VARS2: variants seen among roughly 807,000 people sequenced by gnomAD.
VARS2 encodes valine--tRNA ligase, mitochondrial.
In VARS2, 105 loss-of-function variants were observed where a neutral mutation model predicts 154.1. The ratio of observed to expected loss-of-function variants is 0.68; its 90% confidence interval spans 0.58 to 0.80. The LOEUF is 0.80. Among genes scored for constraint, VARS2 ranks in the 30% least tolerant of loss-of-function variants. The pLI, the probability that VARS2 is intolerant of heterozygous loss-of-function variation, is 0.00. For synonymous variants in VARS2, 483 were observed against 539.5 expected (o/e 0.90, Z 1.45); for missense variants, 1,157 against 1,361.4 (o/e 0.85, Z 2.36).
rs761841915 is a variant in VARS2 at position 30,926,175 on chromosome 6, G to A, written c.3157G>A (p.Asp1053Asn). The A allele has an allele frequency of 7.4e-6, 12 of 1,613,124 alleles. No individual in the cohort carries two copies. Among genetic ancestry groups the A allele is most frequent in the Non-Finnish European group, 1.0e-5 (12 of 1,180,048 alleles). Residue 1053 changes from aspartate (D) to asparagine (N), a missense_variant, in exon 30 of 30, where the codon GAT becomes AAT. Asp to Asn is a conservative substitution (Grantham distance 23, BLOSUM62 1). Coordinates refer to ENST00000676266, the MANE Select transcript of VARS2 (RefSeq NM_020442.6). The part of the protein sequence containing the change: ...KAASHLRQLM[D>N]EPPAPGSPEL ...AGCCTCTCACCTCCGGCAGCTGATG[G>A]ATGAGCCTCCAGCCCCAGGGAGCCC... is the stretch of plus-strand genomic sequence containing the variant.
chr6:30,921,181 G>A lies in VARS2; in HGVS notation c.1556+40G>A, dbSNP rs772444822. 3.1e-6 allele frequency: 5 copies of A among 1,613,862 alleles called. No individual in the cohort carries two copies. The South Asian group carries it at 5.5e-5, about 18-fold the overall frequency. On this transcript the variant is annotated intron_variant, in intron 16 of 29. Transcript: ENST00000676266. The surrounding 1 kb of genome is among the most constrained non-coding windows in gnomAD (Gnocchi z 4.6). ...AGGGGAGCTCTTGTGGAGATGGGGA[G>A]GGGGGACTGACTGGTTATTCTAAGA...
At position 30,925,699 on chromosome 6, in the gene VARS2, C is replaced by G. The variant is rs1794795318; in HGVS notation, c.2941C>G (p.Gln981Glu). Reference protein sequence around the residue: ...WAQAPLSDTAQVYMELQGLVD... With the variant: ...WAQAPLSDTAEVYMELQGLVD... ...CCAGGCTCCACTCAGTGACACGGCT[C>G]AAGTCTACATGGAGCTGCAGGTGAC... The change falls in exon 28 of 30, where the codon CAA (glutamine) becomes GAA (glutamate). Residue 981 changes from glutamine (Q) to glutamate (E), a missense_variant. By Grantham distance (29) the Gln-to-Glu change is conservative. Coordinates refer to ENST00000676266, the MANE Select transcript of VARS2 (RefSeq NM_020442.6). The G allele has an allele frequency of 1.2e-6, 2 of 1,611,098 alleles. No individual in the cohort carries two copies. The highest frequency in any genetic ancestry group is 8.5e-7 in the Non-Finnish European group (1 of 1,179,692).
In VARS2 at chr6:30,919,599, TA is replaced by T; in HGVS notation, c.1075-155del. 1 of 530,682 alleles carries T rather than the reference TA, an allele frequency of 1.9e-6. No homozygotes were observed. The highest frequency in any genetic ancestry group is 3.3e-6 in the Non-Finnish European group (1 of 304,720). 32.9% of individuals were successfully genotyped at this position (530,682 alleles called of 1,614,324 possible). On this transcript the variant is annotated intron_variant, in intron 11 of 29. Coordinates refer to ENST00000676266, the MANE Select transcript of VARS2 (RefSeq NM_020442.6). This position sits in a 1 kb window ranked among gnomAD's most constrained non-coding sequence, Gnocchi z 4.5. The stretch of plus-strand genomic sequence containing the variant: ...GAATTTGTCTCTAGGCCCAAAAGCC[TA>T]AAATATCTACATTCTGGCCCCTTAA...
intron 25 of VARS2, 111 bp downstream of exon 25, chr6:30,923,616 TAGGAG>T (rs1428237349): frequency 1.4e-5 from 20 of 1,464,738 alleles, no homozygotes; most frequent in African/African-American, 5.6e-5. Flanking sequence ...TCCCCTCAGT[TAGGAG>T]AGGAGAGGAG....
intron 27 of VARS2, 31 bp from the exon 28 acceptor site, chr6:30,925,513 G>A: frequency 6.4e-7 from 1 of 1,560,356 alleles, no homozygotes; most frequent in African/African-American, 1.4e-5. Context: ...AGGAGCTGAG[G>A]CCTTGCCCCT....
Position 30,922,159 on chromosome 6 carries a change from C to A in VARS2, c.1850C>A (p.Thr617Lys), listed in dbSNP as rs367837827. ...ARFYPLSLLE[T>K]GSDLLLFWVG... ...TTCTACCCCCTGTCACTTTTGGAAA[C>A]GGGCAGCGACCTTCTGCTGTTCTGG... The change falls in exon 20 of 30, where the codon ACG (threonine) becomes AAG (lysine). Residue 617 changes from threonine to lysine, a missense_variant. By Grantham distance (78) the Thr-to-Lys change is moderately conservative. Coordinates refer to ENST00000676266, the MANE Select transcript of VARS2 (RefSeq NM_020442.6). 6.2e-6 allele frequency: 10 copies of A among 1,612,568 alleles called. No homozygotes were observed. The highest frequency in any genetic ancestry group is 8.5e-6 in the Non-Finnish European group (10 of 1,179,880).
chr6:30,925,431 G>A lies in VARS2; in HGVS notation c.2785+46G>A, dbSNP rs771434082. 4.4e-6 allele frequency: 7 copies of A among 1,582,730 alleles called. No individual in the cohort carries two copies. The South Asian group carries it at 7.9e-5, about 18-fold the overall frequency. On this transcript the variant is annotated intron_variant, in intron 27 of 29. Transcript: ENST00000676266. The stretch of plus-strand genomic sequence containing the variant: ...GGCTCGGATCCCTGCAGGAAAAGGG[G>A]GCTGGTGGGGAAAAGAGCAGAGCCT...
chr6:30,921,888 A>G lies in VARS2; in HGVS notation c.1736-37A>G. ...CAGTGGTCTGAGGTCCTAGAAGCCA[A>G]GGTTCCAACTGTCCCCATTCTTTTT... On this transcript the variant is annotated intron_variant, in intron 18 of 29. Transcript: ENST00000676266. The surrounding 1 kb of genome is among the most constrained non-coding windows in gnomAD (Gnocchi z 4.6). The G allele has an allele frequency of 6.2e-7, 1 of 1,612,072 alleles. No homozygotes were observed. Among genetic ancestry groups the G allele is most frequent in the East Asian group, 2.2e-5 (1 of 44,880 alleles).
At position 30,914,337 on chromosome 6, in the gene VARS2, G is replaced by A. The variant is rs1793997326; in HGVS notation, c.-35G>A. Reference sequence around the variant, plus strand: ...CGGGGCGCCCTGGGATAGCGGCGGGGCCTCCTGGTGAGCGCGCGCCGGGGC... The same window carrying A: ...CGGGGCGCCCTGGGATAGCGGCGGGACCTCCTGGTGAGCGCGCGCCGGGGC... On this transcript the variant is annotated 5_prime_UTR_variant, in exon 1 of 30. Coordinates refer to ENST00000676266, the MANE Select transcript of VARS2 (RefSeq NM_020442.6). 2 of 1,218,734 alleles carry A rather than the reference G, an allele frequency of 1.6e-6. No homozygotes were observed. Among genetic ancestry groups the A allele is most frequent in the South Asian group, 3.7e-5 (1 of 27,294 alleles). 75.5% of individuals were successfully genotyped at this position (1,218,734 alleles called of 1,614,324 possible). A position where few individuals can be genotyped will look rare whatever the true frequency, so the allele number is the denominator to read the frequency against.
rs938935224 is a variant in VARS2 at position 30,926,189 on chromosome 6, C to T, written c.3171C>T (p.Ala1057=). ...HLRQLMDEPP[A]PGSPEL Reference sequence around the variant, plus strand: ...GGCAGCTGATGGATGAGCCTCCAGCCCCAGGGAGCCCGGAGCTCTAACTCA... The same window carrying T: ...GGCAGCTGATGGATGAGCCTCCAGCTCCAGGGAGCCCGGAGCTCTAACTCA... The change falls in exon 30 of 30, where the codon GCC becomes GCT. Residue 1057 remains alanine (A), a synonymous_variant. Transcript: ENST00000676266. 11 of 1,612,956 alleles carry T rather than the reference C, an allele frequency of 6.8e-6. No homozygotes were observed. Among genetic ancestry groups the T allele is most frequent in the Middle Eastern group, 3.3e-4 (2 of 6,084 alleles).
At chr6:30,923,867 C>G (rs1490269909) in intron 25 of VARS2, 2 of 372,104 alleles carry the variant, frequency 5.4e-6, no homozygotes, top group East Asian at 5.4e-5. Flanking sequence ...GTCTTTAGAC[C>G]AGGGGTTCTC....
At position 30,919,570 on chromosome 6, in the gene VARS2, G is replaced by T. The variant is rs765669960; in HGVS notation, c.1075-188G>T. 6.2e-6 allele frequency: 3 copies of T among 481,484 alleles called. No homozygotes were observed. In the South Asian group the frequency reaches 1.5e-4, roughly 25 times the overall value. 29.8% of individuals were successfully genotyped at this position (481,484 alleles called of 1,614,324 possible). ...TGGCATAATAGAGTAATTGTGCTGA[G>T]AATGAATTTGTCTCTAGGCCCAAAA... On this transcript the variant is annotated intron_variant, in intron 11 of 29. Coordinates refer to ENST00000676266, the MANE Select transcript of VARS2 (RefSeq NM_020442.6). The surrounding 1 kb of genome is among the most constrained non-coding windows in gnomAD (Gnocchi z 4.5).
Position 30,917,590 on chromosome 6 carries a change from A to G in VARS2, c.874-105A>G. 9.0e-7 allele frequency: 1 copy of G among 1,107,680 alleles called. No individual in the cohort carries two copies. The highest frequency in any genetic ancestry group is 1.3e-6 in the Non-Finnish European group (1 of 783,806). 68.6% of individuals were successfully genotyped at this position (1,107,680 alleles called of 1,614,324 possible). A position where few individuals can be genotyped will look rare whatever the true frequency, so the allele number is the denominator to read the frequency against. ...CCCGAATCCTCCAAATGGCTTTTAG[A>G]TGGATTGCAGGGAGGCTGGGCAGAT... On this transcript the variant is annotated intron_variant, in intron 9 of 29. Coordinates refer to ENST00000676266, the MANE Select transcript of VARS2 (RefSeq NM_020442.6). The surrounding 1 kb of genome is among the most constrained non-coding windows in gnomAD (Gnocchi z 4.4).
rs1354450900 is a variant in VARS2 at position 30,925,917 on chromosome 6, C to T, written c.2999C>T (p.Ala1000Val). ...CCGCAGATCCAGCTACCTCTGTTAG[C>T]CGCCCGAAGGTACAAGTTGCAGAAG... ...VDPQIQLPLL[A>V]ARRYKLQKQL... The change falls in exon 29 of 30, where the codon GCC (alanine) becomes GTC (valine). Residue 1000 changes from alanine to valine, a missense_variant. Transcript: ENST00000676266. 6.2e-7 allele frequency: 1 copy of T among 1,612,918 alleles called. No homozygotes were observed. Among genetic ancestry groups the T allele is most frequent in the Non-Finnish European group, 8.5e-7 (1 of 1,180,046 alleles).
In VARS2 at chr6:30,926,382, C is replaced by T. The variant is rs901156469; in HGVS notation, c.*172C>T. 8 of 670,494 alleles carry T rather than the reference C, an allele frequency of 1.2e-5. No individual in the cohort carries two copies. Among genetic ancestry groups the T allele is most frequent in the Admixed American group, 2.8e-5 (1 of 35,842 alleles). The allele number at this position is 670,494 out of a possible 1,614,324, so 41.5% of individuals were successfully genotyped here. A position where few individuals can be genotyped will look rare whatever the true frequency, so the allele number is the denominator to read the frequency against. ...CAGTGACTGTGGTGTCCTTGAGATG[C>T]TCACATTACTGCCCGGCCTGCCTCC... is the stretch of plus-strand genomic sequence containing the variant. On this transcript the variant is annotated 3_prime_UTR_variant, in exon 30 of 30. Transcript: ENST00000676266.
In VARS2 at chr6:30,915,183, A is replaced by G. The variant is rs532144650; in HGVS notation, c.229A>G (p.Arg77Gly). Residue 77 changes from arginine to glycine, a missense_variant, in exon 3 of 30, where the codon AGG (arginine) becomes GGG (glycine). Coordinates refer to ENST00000676266, the MANE Select transcript of VARS2 (RefSeq NM_020442.6). Reference protein sequence around the residue: ...KSPAESIKAWRPKELVLYEIP... With the variant: ...KSPAESIKAWGPKELVLYEIP... ...ACCTGCAGAATCCATTAAGGCCTGG[A>G]GGCCTAAGGAGTTAGTATTGTATGA... The G allele has an allele frequency of 1.2e-6, 2 of 1,614,220 alleles. No individual in the cohort carries two copies. The highest frequency in any genetic ancestry group is 2.2e-5 in the South Asian group (2 of 91,090).
Position 30,926,419 on chromosome 6 carries a change from C to G in VARS2, c.*209C>G. ...CCCGGCCTGCCTCCCACCTGGAAGT[C>G]TGGGAATGAGGAGATTGAGATAAAC... On this transcript the variant is annotated 3_prime_UTR_variant, in exon 30 of 30. Coordinates refer to ENST00000676266, the MANE Select transcript of VARS2 (RefSeq NM_020442.6). 1.7e-6 allele frequency: 1 copy of G among 604,486 alleles called. No homozygotes were observed. The highest frequency in any genetic ancestry group is 2.1e-5 in the South Asian group (1 of 48,752). 37.4% of individuals were successfully genotyped at this position (604,486 alleles called of 1,614,324 possible).
In VARS2 at chr6:30,920,162, G is replaced by A. The variant is rs761183009; in HGVS notation, c.1239G>A (p.Leu413=). The A allele has an allele frequency of 6.3e-7, 1 of 1,594,606 alleles. No individual in the cohort carries two copies. The highest frequency in any genetic ancestry group is 8.5e-7 in the Non-Finnish European group (1 of 1,169,830). ...GGGCCCGACATGGCTTGAGCCCCTT[G>A]AATGTCATTGCGGAGGATGGGACCA... The part of the protein sequence containing the change: ...EMGARHGLSP[L]NVIAEDGTMT... Residue 413 remains leucine (L), a synonymous_variant, in exon 13 of 30, where the codon TTG becomes TTA. Transcript: ENST00000676266. The surrounding 1 kb of genome is among the most constrained non-coding windows in gnomAD (Gnocchi z 4.6).
chr6:30,918,880 G>A lies in VARS2; in HGVS notation c.1039G>A (p.Ala347Thr). The change falls in exon 11 of 30, where the codon GCT becomes ACT. Residue 347 changes from alanine to threonine, a missense_variant. Coordinates refer to ENST00000676266, the MANE Select transcript of VARS2 (RefSeq NM_020442.6). ...GCCAGAGACGCTGCCTGGAGATGTG[G>A]CTGTGGCCGTTCATCCAGACGACTC... is the stretch of plus-strand genomic sequence containing the variant. Reference protein sequence around the residue: ...TRPETLPGDVAVAVHPDDSRY... With the variant: ...TRPETLPGDVTVAVHPDDSRY... 3.1e-6 allele frequency: 5 copies of A among 1,612,982 alleles called. No individual in the cohort carries two copies. Among genetic ancestry groups the A allele is most frequent in the Non-Finnish European group, 4.2e-6 (5 of 1,180,032 alleles).
Sources: allele counts gnomAD v4.1 joint callset, GRCh38; gene constraint gnomAD v4.1.1; non-coding constraint Gnocchi (gnomAD v3.1); transcripts MANE v1.5; gene names NCBI Gene and HGNC (gene_info 2026-07-23, HGNC 2026-07-21).